Variants in POLN observed in about 807,000 individuals in gnomAD.
The protein encoded by POLN is DNA polymerase N.
In POLN, 108 loss-of-function variants were observed where a neutral mutation model predicts 113.5. The observed-to-expected ratio is 0.95, with a 90% CI of 0.81 to 1.12. The LOEUF (loss-of-function observed/expected upper bound fraction) is 1.12. Ranked by LOEUF, POLN falls within the 50% of genes most tolerant of loss-of-function variation. The probability of loss-of-function intolerance (pLI) is 0.00; values close to 1 mark genes in which losing one functional copy is unlikely to be tolerated. For synonymous variants in POLN, 386 were observed against 391.5 expected (o/e 0.99, Z 0.17); for missense variants, 1,097 against 1,077.1 (o/e 1.02, Z -0.26).
At chr4:2,235,678 A>G (rs1362157608) in intron 2 of POLN, among the ~76,000 whole-genome samples, 2 of 152,236 alleles carry the variant, frequency 1.3e-5, no homozygotes, top group Admixed American at 6.5e-5. Flanking sequence ...TGCCTTTGGT[A>G]TACCACCACC....
Position 2,238,935 on chromosome 4 carries a change from C to T in POLN, c.-13+2585G>A, listed in dbSNP as rs375505722. 23 of 1,609,208 alleles carry T rather than the reference C, an allele frequency of 1.4e-5. No individual in the cohort carries two copies. In the African/African-American group the frequency reaches 2.3e-4, roughly 16 times the overall value. On this transcript the variant is annotated intron_variant, in intron 2 of 25. Transcript: ENST00000511885. ...TTCAATAACTGGGCATTCTCTCTTA[C>T]CACAGCAGGTAAACTTCTGTCTTTT...
At chr4:2,241,099 G>A (rs1734970993) in intron 2 of POLN, 1 of 599,726 alleles carries the variant, frequency 1.7e-6, no homozygotes, top group Non-Finnish European at 2.8e-6. Flanking sequence ...TCCTCCTAGG[G>A]GGGAAGAAAA....
At chr4:2,201,559 A>C (rs1266400979) in intron 5 of POLN, among the ~76,000 whole-genome samples, 1 of 152,080 alleles carries the variant, frequency 6.6e-6, no homozygotes, top group Admixed American at 6.6e-5. Context: ...TATGTTAAAC[A>C]ACCAAACCTA....
intron 23 of POLN, chr4:2,079,319 C>T: frequency 2.9e-6 from 2 of 693,174 alleles, no homozygotes; most frequent in African/African-American, 1.9e-5. Context: ...CTAGCACAAG[C>T]TGCTCATATC....
At chr4:2,203,943 C>T (rs1733779664) in intron 5 of POLN, among the ~76,000 whole-genome samples, 1 of 151,440 alleles carries the variant, frequency 6.6e-6, no homozygotes, top group Non-Finnish European at 1.5e-5. Context: ...AACCCCATCT[C>T]TACTAAATAC....
rs1734248570 is a variant in POLN, at chr4:2,221,340, TG to T, written c.133+7758del. On this transcript the variant is annotated intron_variant, in intron 3 of 25. Coordinates refer to ENST00000511885, the MANE Select transcript of POLN (RefSeq NM_181808.4). Reference sequence around the variant, plus strand: ...TAACTGTGAAAGGAAAATAAAATCTTGGGAATCCCAAGTCACTAAGCTAAAG... The same window carrying T: ...TAACTGTGAAAGGAAAATAAAATCTTGGAATCCCAAGTCACTAAGCTAAAG... Among the ~76,000 whole-genome samples, 7 of 152,206 alleles carry T rather than the reference TG, an allele frequency of 4.6e-5. No homozygotes were observed. The South Asian group carries it at 1.4e-3, about 32-fold the overall frequency.
At chr4:2,100,457 T>C (rs991621718) in intron 19 of POLN, among the ~76,000 whole-genome samples, 1 of 152,210 alleles carries the variant, frequency 6.6e-6, no homozygotes, top group African/African-American at 2.4e-5. Context: ...CAGACTTTCA[T>C]TAAGGAAGGG....
At chr4:2,078,709 G>A in intron 23 of POLN, 1 of 985,428 alleles carries the variant, frequency 1.0e-6, no homozygotes, top group South Asian at 4.7e-5. Context: ...CACAGACCAT[G>A]TGCCCAATAT....
chr4:2,120,241 CT>C (rs1731407672), intron 19 of POLN, among the ~76,000 whole-genome samples: 1 of 152,088 alleles, frequency 6.6e-6, no homozygotes, highest in Non-Finnish European at 1.5e-5. Flanking sequence ...AGCCCTGTGC[CT>C]TTTCATATAC....
intron 20 of POLN, chr4:2,090,100 C>CT: frequency 1.1e-6 from 1 of 938,674 alleles, no homozygotes; most frequent in Admixed American, 2.6e-5. Context: ...GGGTTTGCTA[C>CT]TATAATCCAA....
chr4:2,172,223 G>GAAAAAC (rs941793584), intron 11 of POLN, among the ~76,000 whole-genome samples: 1 of 152,096 alleles, frequency 6.6e-6, no homozygotes, highest in Non-Finnish European at 1.5e-5. Flanking sequence ...CTGAAATGCT[G>GAAAAAC]AAAAACAAAA....
At chr4:2,193,551 C>T (rs766647318) in intron 6 of POLN, among the ~76,000 whole-genome samples, 3 of 152,092 alleles carry the variant, frequency 2.0e-5, no homozygotes, top group Non-Finnish European at 4.4e-5. Flanking sequence ...GTGCTTATCC[C>T]TGGGAAACAC....
chr4:2,148,265 G>C (rs1340690943), intron 16 of POLN, among the ~76,000 whole-genome samples: 1 of 152,142 alleles, frequency 6.6e-6, no homozygotes, highest in Non-Finnish European at 1.5e-5. Context: ...ATAAAAGTGA[G>C]TCTCAGTGAG....
intron 7 of POLN, among the ~76,000 whole-genome samples, chr4:2,189,107 T>TA (rs2108755030): frequency 6.6e-6 from 1 of 152,268 alleles, no homozygotes; most frequent in Admixed American, 6.5e-5. Flanking sequence ...AGCTACAAAT[T>TA]AAAAGATACT....
At chr4:2,239,952 A>T (rs1194076626) in intron 2 of POLN, 14 of 1,007,988 alleles carry the variant, frequency 1.4e-5, no homozygotes, top group Admixed American at 2.3e-5. Flanking sequence ...CAGATGCACC[A>T]TTCTAAAGTA....
In POLN at chr4:2,171,042, C is replaced by T; in HGVS notation, c.1458+56G>A. On this transcript the variant is annotated intron_variant, in intron 12 of 25. Transcript: ENST00000511885. ...TACTTATAAATTCAAAATAAATCTC[C>T]CTTTAACTCCTGAATAAGAAATACA... is the stretch of plus-strand genomic sequence containing the variant. 1.5e-5 allele frequency: 21 copies of T among 1,414,110 alleles called. No homozygotes were observed. In the South Asian group the frequency reaches 2.2e-4, roughly 15 times the overall value. The allele number at this position is 1,414,110 out of a possible 1,614,324, so 87.6% of individuals were successfully genotyped here.
chr4:2,208,318 A>T lies in POLN; in HGVS notation c.383T>A (p.Val128Asp). The T allele has an allele frequency of 6.2e-7, 1 of 1,609,176 alleles. No individual in the cohort carries two copies. The highest frequency in any genetic ancestry group is 8.5e-7 in the Non-Finnish European group (1 of 1,177,938). Residue 128 changes from valine (V) to aspartate (D), a missense_variant, in exon 5 of 26, where the codon GTT becomes GAT. By Grantham distance (152) the Val-to-Asp change is radical (BLOSUM62 -3). Transcript: ENST00000511885. ...LIPQYNQEAS[V>D]LQKKGHKRKH... ...TCTTTTATGCCCCTTTTTCTGTAGAACTGAAGCCTCTTGATTATACTGTGG... is the reference window on the plus strand; with the variant it reads ...TCTTTTATGCCCCTTTTTCTGTAGATCTGAAGCCTCTTGATTATACTGTGG...
rs1221620627 is a variant in POLN at position 2,127,840 on chromosome 4, G to A, written c.1982+273C>T. Among the ~76,000 whole-genome samples, 1 of 152,244 alleles carries A rather than the reference G, an allele frequency of 6.6e-6. No individual in the cohort carries two copies. The highest frequency in any genetic ancestry group is 1.5e-5 in the Non-Finnish European group (1 of 68,042). ...CTCGCTCTTTCCGTGGTGCTCGCCT[G>A]CAGGGCGCGGGACTCGCTGGTTATT... is the stretch of plus-strand genomic sequence containing the variant. On this transcript the variant is annotated intron_variant, in intron 19 of 25. Coordinates refer to ENST00000511885, the MANE Select transcript of POLN (RefSeq NM_181808.4). This position sits in a 1 kb window ranked among gnomAD's most constrained non-coding sequence, Gnocchi z 4.7.
chr4:2,115,674 G>A lies in POLN; in HGVS notation c.1982+12439C>T, dbSNP rs542764533. ...AGATATTTTGCATAAAAGAATGGTA[G>A]AGACTGAAGTCAATATTTATTTCCT... On this transcript the variant is annotated intron_variant, in intron 19 of 25. Transcript: ENST00000511885. 2.0e-5 allele frequency among the ~76,000 whole-genome samples: 3 copies of A among 152,258 alleles called. No individual in the cohort carries two copies. In the South Asian group the frequency reaches 6.2e-4, roughly 32 times the overall value.
Sources: allele counts gnomAD v4.1 joint callset (sites outside exome capture counted in the v4.1 genomes callset), GRCh38; gene constraint gnomAD v4.1.1; non-coding constraint Gnocchi (gnomAD v3.1); transcripts MANE v1.5; gene names NCBI Gene and HGNC (gene_info 2026-07-23, HGNC 2026-07-21).